Variants in GAREM2 observed in about 807,000 individuals in gnomAD.
GAREM2 encodes the protein GRB2-associated and regulator of MAPK protein 2.
A neutral mutation model predicts 55.6 loss-of-function variants in GAREM2; 30 were observed. That is an observed-to-expected ratio of 0.54 (90% confidence interval 0.40 to 0.73). GAREM2 has a LOEUF of 0.73. Among genes scored for constraint, GAREM2 ranks in the 30% least tolerant of loss-of-function variants. The probability of loss-of-function intolerance (pLI) is 0.00; values close to 1 mark genes in which losing one functional copy is unlikely to be tolerated. For missense variants in GAREM2, 1,075 were observed against 1,257.7 expected (o/e 0.85, Z 2.20); for synonymous variants, 550 against 569.1 (o/e 0.97, Z 0.48).
rs1669346398 is a variant in GAREM2, at chr2:26,188,007, T to C, written c.2375T>C (p.Phe792Ser). The change falls in exon 6 of 6, where the codon TTT becomes TCT. Residue 792 changes from phenylalanine to serine, a missense_variant. Phe to Ser is a radical substitution (Grantham distance 155). Transcript: ENST00000401533. ...PASPRDGATGFGVRDASSWQP... is the reference protein window; with the variant it reads ...PASPRDGATGSGVRDASSWQP... Reference sequence around the variant, plus strand: ...AGTCCCCGGGATGGAGCCACAGGCTTTGGAGTCCGAGATGCCTCCTCCTGG... The same window carrying C: ...AGTCCCCGGGATGGAGCCACAGGCTCTGGAGTCCGAGATGCCTCCTCCTGG... The C allele has an allele frequency of 2.0e-6, 3 of 1,481,730 alleles. No individual in the cohort carries two copies. Among genetic ancestry groups the C allele is most frequent in the South Asian group, 1.4e-5 (1 of 73,288 alleles). 91.8% of individuals were successfully genotyped at this position (1,481,730 alleles called of 1,614,324 possible). A position where few individuals can be genotyped will look rare whatever the true frequency, so the allele number is the denominator to read the frequency against.
the GAREM2 span, among the ~76,000 whole-genome samples, chr2:26,199,931 A>G: frequency 6.6e-6 from 1 of 152,160 alleles, no homozygotes. Flanking sequence ...CTTGAAATCA[A>G]TGGACTTAAG....
intron 2 of GAREM2, among the ~76,000 whole-genome samples, chr2:26,176,840 C>T (rs1668880446): frequency 6.6e-6 from 1 of 152,182 alleles, no homozygotes; most frequent in African/African-American, 2.4e-5. Context: ...AGAACATGTC[C>T]TGCCAGGACC....
At position 26,184,832 on chromosome 2, in the gene GAREM2, G is replaced by A. The variant is rs1233982706; in HGVS notation, c.984G>A (p.Gln328=). 4 of 1,482,864 alleles carry A rather than the reference G, an allele frequency of 2.7e-6. No homozygotes were observed. The highest frequency in any genetic ancestry group is 1.5e-5 in the African/African-American group (1 of 68,226). The allele number at this position is 1,482,864 out of a possible 1,614,324, so 91.9% of individuals were successfully genotyped here. A position where few individuals can be genotyped will look rare whatever the true frequency, so the allele number is the denominator to read the frequency against. ...ACACGCCGCGCTTCGCGCTGCCGCA[G>A]GGCCTGCTGGCCGGGGACCCGCGCG... is the stretch of plus-strand genomic sequence containing the variant. The part of the protein sequence containing the change: ...LTDTPRFALP[Q]GLLAGDPRVE... Residue 328 remains glutamine (Q), a synonymous_variant, in exon 4 of 6, where the codon CAG becomes CAA. Coordinates refer to ENST00000401533, the MANE Select transcript of GAREM2 (RefSeq NM_001168241.2).
the GAREM2 span, among the ~76,000 whole-genome samples, chr2:26,199,815 T>C: frequency 1.3e-5 from 2 of 152,122 alleles, no homozygotes; most frequent in South Asian, 2.1e-4. Flanking sequence ...TACAAAGAAG[T>C]TGTGGTGAGA....
chr2:26,185,673 A>T (rs1166111410), intron 4 of GAREM2, among the ~76,000 whole-genome samples: 3 of 152,162 alleles, frequency 2.0e-5, no homozygotes. Context: ...GTCACAGAGC[A>T]TTGGTAGATT....
downstream of GAREM2, chr2:26,193,820 C>A (rs776121455): frequency 1.4e-5 from 21 of 1,461,660 alleles, no homozygotes; most frequent in Middle Eastern, 1.7e-4. Context: ...CAGCCCAAAT[C>A]CCCCCAAAGG....
chr2:26,184,731 A>G lies in GAREM2; in HGVS notation c.883A>G (p.Ile295Val), dbSNP rs771439596. ...TCATTGCTACAAGCTGGTTAGCATC[A>G]TCTCCAAGACGGTGGTGCTGGGGCT... ...EGHCYKLVSI[I>V]SKTVVLGLAL... The change falls in exon 4 of 6, where the codon ATC becomes GTC. Residue 295 changes from isoleucine (I) to valine (V), a missense_variant. Physicochemically the swap from Ile to Val is conservative, Grantham distance 29 (BLOSUM62 3). This residue lies in a region of GAREM2 where 170 missense variants were observed against 220.7 expected (regional missense o/e 0.77). Coordinates refer to ENST00000401533, the MANE Select transcript of GAREM2 (RefSeq NM_001168241.2). 6.6e-7 allele frequency: 1 copy of G among 1,526,654 alleles called. No individual in the cohort carries two copies. Among genetic ancestry groups the G allele is most frequent in the Non-Finnish European group, 8.8e-7 (1 of 1,140,332 alleles). The allele number at this position is 1,526,654 out of a possible 1,614,324, so 94.6% of individuals were successfully genotyped here.
chr2:26,178,877 G>A lies in GAREM2; in HGVS notation c.253+2393G>A, dbSNP rs2147724720. Among the ~76,000 whole-genome samples the A allele has an allele frequency of 1.4e-4, 3 of 20,902 alleles. No homozygotes were observed. The South Asian group carries it at 5.6e-3, about 39-fold the overall frequency. 13.7% of individuals were successfully genotyped at this position (20,902 alleles called of 152,430 possible). ...GGGGCTGCTTCTGTCCGCCCGCACG[G>A]GGGAGGGGAGGAGGAGGCGGAGGCG... is the stretch of plus-strand genomic sequence containing the variant. On this transcript the variant is annotated intron_variant, in intron 2 of 5. Coordinates refer to ENST00000401533, the MANE Select transcript of GAREM2 (RefSeq NM_001168241.2).
At chr2:26,197,881 CCCA>C in the GAREM2 span, 1 of 750,290 alleles carries the variant, frequency 1.3e-6, no homozygotes, top group Non-Finnish European at 2.5e-6. Flanking sequence ...CACTCTGTCC[CCCA>C]CAACTGCTCA....
chr2:26,190,939 C>T, downstream of GAREM2: 1 of 501,806 alleles, frequency 2.0e-6, no homozygotes, highest in African/African-American at 1.9e-5. Flanking sequence ...CCACCCCTGG[C>T]CACCCTGGCC....
the GAREM2 span, among the ~76,000 whole-genome samples, chr2:26,197,317 C>T: frequency 6.6e-6 from 1 of 152,162 alleles, no homozygotes; most frequent in African/African-American, 2.4e-5. Context: ...TCCTGCCATT[C>T]CCTGATCTGG....
chr2:26,197,423 C>T, the GAREM2 span, among the ~76,000 whole-genome samples: 4 of 152,172 alleles, frequency 2.6e-5, no homozygotes, highest in Non-Finnish European at 4.4e-5. Context: ...TCCTTCAATG[C>T]CTAATTCTAG....
At chr2:26,197,661 T>C in the GAREM2 span, 1 of 974,110 alleles carries the variant, frequency 1.0e-6, no homozygotes, top group Non-Finnish European at 1.7e-6. Context: ...CAATAAAACA[T>C]CTCAGGGTTT....
At chr2:26,191,014 G>T (rs1479255244), downstream of GAREM2, 9 of 601,704 alleles carry the variant, frequency 1.5e-5, no homozygotes, top group Non-Finnish European at 2.7e-5. Flanking sequence ...AGGCCTCGGG[G>T]CTTATACAAT....
downstream of GAREM2, chr2:26,192,496 C>CA: frequency 1.1e-6 from 1 of 910,790 alleles, no homozygotes; most frequent in Admixed American, 1.7e-5. Context: ...GTTCTCAGAA[C>CA]CCTGGCCTGG....
chr2:26,188,059 C>G lies in GAREM2; in HGVS notation c.2427C>G (p.Leu809=), dbSNP rs1003579688. The part of the protein sequence containing the change: ...SWQPPADLSA[L]SLEEVSRSLR... Reference sequence around the variant, plus strand: ...AGCCCCCTGCTGACCTGTCTGCACTCTCCCTGGAGGAGGTCTCTCGCAGTC... The same window carrying G: ...AGCCCCCTGCTGACCTGTCTGCACTGTCCCTGGAGGAGGTCTCTCGCAGTC... Residue 809 remains leucine, a synonymous_variant, in exon 6 of 6, where the codon CTC becomes CTG. Transcript: ENST00000401533. 6.5e-7 allele frequency: 1 copy of G among 1,540,196 alleles called. No individual in the cohort carries two copies. The highest frequency in any genetic ancestry group is 8.8e-7 in the Non-Finnish European group (1 of 1,139,758).
At chr2:26,195,164 T>A in the GAREM2 span, 1 of 1,612,628 alleles carries the variant, frequency 6.2e-7, no homozygotes, top group Non-Finnish European at 8.5e-7. Flanking sequence ...CTTTGGAAGT[T>A]TTCTCGGTCG....
chr2:26,186,065 C>T (rs968200519), intron 4 of GAREM2, 124 bp from the exon 5 acceptor site: 3 of 937,638 alleles, frequency 3.2e-6, no homozygotes, highest in Admixed American at 6.0e-5. Flanking sequence ...TGCAAGGCAG[C>T]CTATTGGCAA....
the GAREM2 span, among the ~76,000 whole-genome samples, chr2:26,201,909 C>T: frequency 6.6e-6 from 1 of 151,918 alleles, no homozygotes; most frequent in African/African-American, 2.4e-5. Context: ...AATTCTCTGC[C>T]TCAGCCTCCT....
Sources: allele counts gnomAD v4.1 joint callset (sites outside exome capture counted in the v4.1 genomes callset), GRCh38; gene constraint gnomAD v4.1.1; regional missense constraint gnomAD v4.1.1; transcripts MANE v1.5; gene names NCBI Gene and HGNC (gene_info 2026-07-23, HGNC 2026-07-21).